DENND2B: variants seen among roughly 807,000 people sequenced by gnomAD.
The protein encoded by DENND2B is DENN domain-containing protein 2B.
In DENND2B, 32 loss-of-function variants were observed where a neutral mutation model predicts 116.0. The observed-to-expected ratio is 0.28, with a 90% CI of 0.21 to 0.37. The LOEUF (loss-of-function observed/expected upper bound fraction) is 0.37. Ranked by LOEUF, DENND2B falls within the 10% of genes least tolerant of loss-of-function variation. The pLI is 1.00. For missense variants in DENND2B, 1,276 were observed against 1,477.7 expected (o/e 0.86, Z 2.24); for synonymous variants, 588 against 583.9 (o/e 1.01, Z -0.10).
At chr11:8,778,644 G>A (rs2058012613) in intron 1 of DENND2B, among the ~76,000 whole-genome samples, 1 of 152,234 alleles carries the variant, frequency 6.6e-6, no homozygotes, top group South Asian at 2.1e-4. Flanking sequence ...TACCATGTGT[G>A]CCTACAGCTC....
intron 1 of DENND2B, among the ~76,000 whole-genome samples, chr11:8,771,392 G>A (rs967358615): frequency 6.8e-6 from 1 of 148,046 alleles, no homozygotes; most frequent in African/African-American, 2.5e-5. Context: ...GGGGCTGTGA[G>A]TGTGTGTGTG....
intron 2 of DENND2B, among the ~76,000 whole-genome samples, chr11:8,868,904 G>T (rs2063676785): frequency 6.6e-6 from 1 of 152,210 alleles, no homozygotes; most frequent in Non-Finnish European, 1.5e-5. Context: ...TGTCCAACCT[G>T]CGGCCCATGG....
intron 2 of DENND2B, among the ~76,000 whole-genome samples, chr11:8,740,294 T>C (rs1233817765): frequency 6.6e-6 from 1 of 152,114 alleles, no homozygotes; most frequent in African/African-American, 2.4e-5. Context: ...ATAATAAATA[T>C]TCCCTCTGGC....
At chr11:8,744,284 C>T (rs981082624) in intron 2 of DENND2B, among the ~76,000 whole-genome samples, 1 of 151,902 alleles carries the variant, frequency 6.6e-6, no homozygotes, top group Admixed American at 6.6e-5. Flanking sequence ...CAGGTGTGCA[C>T]CACCATGCCC....
In DENND2B at chr11:8,699,225, C is replaced by A; in HGVS notation, c.2886G>T (p.Leu962=). 1 of 1,567,890 alleles carries A rather than the reference C, an allele frequency of 6.4e-7. No individual in the cohort carries two copies. ...CCCGGTGGCCCACCTCCTCCACAGG[C>A]AGCTCCTTCAGTTTGGGGAGGGAGC... ...LSSSLPKLKE[L]PVEEALMVNL... Residue 962 remains leucine, a synonymous_variant, in exon 15 of 20, where the codon CTG becomes CTT. Coordinates refer to ENST00000313726, the MANE Select transcript of DENND2B (RefSeq NM_213618.2).
intron 1 of DENND2B, among the ~76,000 whole-genome samples, chr11:8,903,175 T>TTTTA (rs1303039765): frequency 1.6e-3 from 240 of 152,094 alleles, no homozygotes; most frequent in African/African-American, 5.5e-3. Flanking sequence ...TTTTTTAAAG[T>TTTTA]TTTATTTATT....
At chr11:8,739,895 A>C (rs891253962) in intron 2 of DENND2B, among the ~76,000 whole-genome samples, 5 of 152,356 alleles carry the variant, frequency 3.3e-5, no homozygotes, top group South Asian at 2.1e-4. Flanking sequence ...TTAAAGAAAA[A>C]GTATTGTGGG....
intron 1 of DENND2B, chr11:8,766,624 T>G: frequency 7.8e-7 from 1 of 1,289,190 alleles, no homozygotes; most frequent in South Asian, 1.2e-5. Flanking sequence ...GGTGAAGATC[T>G]GCACGAAAAT....
chr11:8,859,815 T>C (rs2063334050), intron 2 of DENND2B, among the ~76,000 whole-genome samples: 1 of 152,080 alleles, frequency 6.6e-6, no homozygotes, highest in Admixed American at 6.6e-5. Context: ...ACCAAAGAAG[T>C]TACACCATCT....
In DENND2B at chr11:8,707,492, G is replaced by A. The variant is rs954094761; in HGVS notation, c.2431-267C>T. Among the ~76,000 whole-genome samples, 6 of 152,240 alleles carry A rather than the reference G, an allele frequency of 3.9e-5. No individual in the cohort carries two copies. The highest frequency in any genetic ancestry group is 1.4e-4 in the African/African-American group (6 of 41,466). On this transcript the variant is annotated intron_variant, in intron 12 of 19. Transcript: ENST00000313726. This position sits in a 1 kb window ranked among gnomAD's most constrained non-coding sequence, Gnocchi z 4.8. ...ATACCACCCAAGAGTCAGCTCCCTG[G>A]GCGCTCCTGCTTCCCCAAGGACTCT... is the stretch of plus-strand genomic sequence containing the variant.
chr11:8,701,039 G>A (rs1023670427), intron 14 of DENND2B, among the ~76,000 whole-genome samples: 5 of 151,972 alleles, frequency 3.3e-5, no homozygotes, highest in Admixed American at 1.3e-4. Context: ...TGCCCACCTC[G>A]GCCTCCCAAA....
chr11:8,756,808 C>G (rs1337784753), intron 1 of DENND2B, among the ~76,000 whole-genome samples: 1 of 152,136 alleles, frequency 6.6e-6, no homozygotes, highest in Non-Finnish European at 1.5e-5. Flanking sequence ...AGAAGACACT[C>G]CTAAAGCAGA....
Position 8,693,744 on chromosome 11 carries a change from A to T in DENND2B, c.*352T>A. On this transcript the variant is annotated 3_prime_UTR_variant, in exon 20 of 20. Coordinates refer to ENST00000313726, the MANE Select transcript of DENND2B (RefSeq NM_213618.2). Reference sequence around the variant, plus strand: ...GCAGGCAGGCAGGCCGAAGGCCTCCAGGGAAGATCAGTGGTTTGGCTGAGA... The same window carrying T: ...GCAGGCAGGCAGGCCGAAGGCCTCCTGGGAAGATCAGTGGTTTGGCTGAGA... The T allele has an allele frequency of 4.1e-6, 1 of 243,514 alleles. No individual in the cohort carries two copies. The highest frequency in any genetic ancestry group is 7.9e-6 in the Non-Finnish European group (1 of 126,722). 15.1% of individuals were successfully genotyped at this position (243,514 alleles called of 1,614,324 possible).
chr11:8,816,503 A>G (rs753538027), intron 4 of DENND2B, among the ~76,000 whole-genome samples: 3 of 151,736 alleles, frequency 2.0e-5, no homozygotes, highest in Non-Finnish European at 2.9e-5. Flanking sequence ...GAGAGACATC[A>G]TCGCATCACT....
chr11:8,715,484 A>G lies in DENND2B; in HGVS notation c.1845+119T>C, dbSNP rs144614878. On this transcript the variant is annotated intron_variant, in intron 6 of 19. Coordinates refer to ENST00000313726, the MANE Select transcript of DENND2B (RefSeq NM_213618.2). ...AGTGCACGGACCCAGAATTTATTCA[A>G]AGGGAATCGAGGAAGCAGTCCAGAT... 1.0e-4 allele frequency: 101 copies of G among 999,786 alleles called. 1 individual carries two copies. The African/African-American group carries it at 1.4e-3, about 13-fold the overall frequency. The allele number at this position is 999,786 out of a possible 1,614,324, so 61.9% of individuals were successfully genotyped here. A position where few individuals can be genotyped will look rare whatever the true frequency, so the allele number is the denominator to read the frequency against.
chr11:8,847,362 C>T (rs1346295581), intron 3 of DENND2B, among the ~76,000 whole-genome samples: 1 of 152,152 alleles, frequency 6.6e-6, no homozygotes, highest in Non-Finnish European at 1.5e-5. Flanking sequence ...TAATTACACT[C>T]GCCATTACAA....
chr11:8,900,182 T>C (rs934392991), intron 1 of DENND2B, among the ~76,000 whole-genome samples: 2 of 151,682 alleles, frequency 1.3e-5, no homozygotes, highest in Admixed American at 1.3e-4. Context: ...TCCCAACACT[T>C]TGGGAGGCCG....
intron 2 of DENND2B, among the ~76,000 whole-genome samples, chr11:8,864,178 T>C (rs1434297656): frequency 6.6e-6 from 1 of 152,190 alleles, no homozygotes; most frequent in Non-Finnish European, 1.5e-5. Flanking sequence ...GACCAGAGTG[T>C]TGTAAAAACA....
chr11:8,770,492 A>G (rs1281742227), intron 1 of DENND2B, among the ~76,000 whole-genome samples: 1 of 152,204 alleles, frequency 6.6e-6, no homozygotes, highest in Non-Finnish European at 1.5e-5. Context: ...GCTCATAGTT[A>G]GGACTATGTT....
Sources: gnomAD v4.1 joint callset for allele counts (sites outside exome capture counted in the v4.1 genomes callset) on GRCh38, gnomAD v4.1.1 for gene constraint, Gnocchi (gnomAD v3.1) non-coding constraint, MANE v1.5 for transcripts, NCBI Gene and HGNC (gene_info 2026-07-23, HGNC 2026-07-21) for gene names.